Variants in KSR2 observed in about 807,000 individuals in gnomAD.
The protein encoded by KSR2 is kinase suppressor of ras 2.
In KSR2, 25 loss-of-function variants were observed where a neutral mutation model predicts 107.8. The observed-to-expected ratio is 0.23, with a 90% CI of 0.17 to 0.32. KSR2 has a LOEUF of 0.32. Among genes scored for constraint, KSR2 ranks in the 10% least tolerant of loss-of-function variants. KSR2 has a pLI of 1.00. For synonymous variants in KSR2, 480 were observed against 507.0 expected, an observed-to-expected ratio of 0.95 and a Z score of 0.71; for missense variants, 887 against 1,268.9, an observed-to-expected ratio of 0.70 and a Z score of 4.57.
At chr12:117,474,033 G>A (rs898522346) in intron 17 of KSR2, among the ~76,000 whole-genome samples, 1 of 152,164 alleles carries the variant, frequency 6.6e-6, no homozygotes, top group African/African-American at 2.4e-5. Flanking sequence ...TTCTGAGCAC[G>A]AGATTCCCAA....
At chr12:117,710,767 G>C (rs1565973915) in intron 4 of KSR2, among the ~76,000 whole-genome samples, 1 of 152,118 alleles carries the variant, frequency 6.6e-6, no homozygotes, top group African/African-American at 2.4e-5. Context: ...CTATCATGAT[G>C]GTGATATTTT....
chr12:117,709,304 G>A (rs996315044), intron 4 of KSR2, among the ~76,000 whole-genome samples: 53 of 152,058 alleles, frequency 3.5e-4, no homozygotes, highest in African/African-American at 1.2e-3. Flanking sequence ...CAGGGAACAT[G>A]ACCTGCACCC....
intron 3 of KSR2, among the ~76,000 whole-genome samples, chr12:117,763,067 A>T (rs1453917520): frequency 6.6e-6 from 1 of 151,558 alleles, no homozygotes; most frequent in Non-Finnish European, 1.5e-5. Flanking sequence ...CAGTCCCCAG[A>T]GTGTGATGTT....
chr12:117,917,760 C>T (rs183600313), intron 1 of KSR2, among the ~76,000 whole-genome samples: 1 of 152,212 alleles, frequency 6.6e-6, no homozygotes, highest in Non-Finnish European at 1.5e-5. Context: ...ACTCTGAAGC[C>T]TTACTGTACA....
Position 117,467,919 on chromosome 12 carries a change from GTTTTT to G in KSR2, c.2847-719_2847-715del. On this transcript the variant is annotated intron_variant, in intron 19 of 19. Coordinates refer to ENST00000339824, the MANE Select transcript of KSR2 (RefSeq NM_173598.6). ...CTATTCTGCTAGACCACAGTCCTGT[GTTTTT>G]TTTTTTTTTTTCCAGCCCAACTCCA... is the stretch of plus-strand genomic sequence containing the variant. 8 of 291,802 alleles carry G rather than the reference GTTTTT, an allele frequency of 2.7e-5. 1 individual carries two copies. Among genetic ancestry groups the G allele is most frequent in the Admixed American group, 4.9e-5 (1 of 20,276 alleles). 18.1% of individuals were successfully genotyped at this position (291,802 alleles called of 1,614,324 possible). A position where few individuals can be genotyped will look rare whatever the true frequency, so the allele number is the denominator to read the frequency against.
At chr12:117,805,795 A>C (rs1269582705) in intron 3 of KSR2, among the ~76,000 whole-genome samples, 5 of 152,196 alleles carry the variant, frequency 3.3e-5, no homozygotes, top group African/African-American at 1.2e-4. Flanking sequence ...CAGCCTGGCC[A>C]ACATGGCGAA....
rs117126646 is a variant in KSR2, at chr12:117,520,574, T to C, written c.2219+4278A>G. On this transcript the variant is annotated intron_variant, in intron 14 of 19. Transcript: ENST00000339824. Reference sequence around the variant, plus strand: ...GGACACTGAGTGTCCACCAAGATCATCAGCCCTTTGATTACAATGGGAAGT... The same window carrying C: ...GGACACTGAGTGTCCACCAAGATCACCAGCCCTTTGATTACAATGGGAAGT... Among the ~76,000 whole-genome samples the C allele has an allele frequency of 1.6e-4, 24 of 152,366 alleles. No homozygotes were observed. The East Asian group carries it at 3.1e-3, about 20-fold the overall frequency.
At chr12:117,810,636 T>C (rs988101595) in intron 3 of KSR2, among the ~76,000 whole-genome samples, 1 of 152,318 alleles carries the variant, frequency 6.6e-6, no homozygotes. Flanking sequence ...AAAGGTGATA[T>C]CCGACTGGCA....
intron 3 of KSR2, among the ~76,000 whole-genome samples, chr12:117,772,095 C>A (rs993186201): frequency 1.3e-5 from 2 of 149,786 alleles, no homozygotes; most frequent in African/African-American, 4.9e-5. Context: ...CAAAAACACA[C>A]ACACATACAC....
At chr12:117,877,408 T>C (rs142108075) in intron 1 of KSR2, among the ~76,000 whole-genome samples, 126 of 152,318 alleles carry the variant, frequency 8.3e-4, no homozygotes, top group African/African-American at 3.0e-3. Flanking sequence ...ACCTGTATTA[T>C]ATATTTATAA....
At chr12:117,705,299 C>T (rs1011618380) in intron 4 of KSR2, among the ~76,000 whole-genome samples, 3 of 152,216 alleles carry the variant, frequency 2.0e-5, no homozygotes, top group Admixed American at 6.5e-5. Context: ...ATCCATCTCT[C>T]AACCTGCACT....
At chr12:117,878,486 A>C (rs1893934668) in intron 1 of KSR2, among the ~76,000 whole-genome samples, 1 of 152,150 alleles carries the variant, frequency 6.6e-6, no homozygotes, top group Non-Finnish European at 1.5e-5. Context: ...TTAAAAATAA[A>C]ATAAAAATTG....
intron 4 of KSR2, among the ~76,000 whole-genome samples, chr12:117,733,555 A>G (rs1427705209): frequency 6.6e-6 from 1 of 152,146 alleles, no homozygotes; most frequent in Non-Finnish European, 1.5e-5. Flanking sequence ...GCTCATAACA[A>G]CAGAGCTGAA....
chr12:117,802,021 A>G (rs1890849447), intron 3 of KSR2, among the ~76,000 whole-genome samples: 1 of 152,214 alleles, frequency 6.6e-6, no homozygotes, highest in Non-Finnish European at 1.5e-5. Context: ...TATGACAATA[A>G]GATTAGGGGC....
At chr12:117,553,144 A>G (rs1877428895) in intron 9 of KSR2, among the ~76,000 whole-genome samples, 1 of 152,258 alleles carries the variant, frequency 6.6e-6, no homozygotes, top group Non-Finnish European at 1.5e-5. Context: ...AAGCAAAGGA[A>G]GCCCTGGCTG....
intron 1 of KSR2, among the ~76,000 whole-genome samples, chr12:117,879,836 C>T (rs941380594): frequency 6.6e-6 from 1 of 152,206 alleles, no homozygotes; most frequent in African/African-American, 2.4e-5. Context: ...TCTCCTTATA[C>T]CTGATTGCTG....
Position 117,455,030 on chromosome 12 carries a change from CAGACAGAGAGAGAGAGAG to C in KSR2, c.*12151_*12168del, listed in dbSNP as rs1262306213. 2.5e-5 allele frequency: 3 copies of C among 120,128 alleles called. No individual in the cohort carries two copies. The highest frequency in any genetic ancestry group is 8.2e-5 in the Admixed American group (1 of 12,256). The allele number at this position is 120,128 out of a possible 1,614,324, so 7.4% of individuals were successfully genotyped here. On this transcript the variant is annotated 3_prime_UTR_variant, in exon 20 of 20. Transcript: ENST00000339824. ...AGACAGAGACAGACACAGAGACAGA[CAGACAGAGAGAGAGAGAG>C]AGAGAGAGAGAGAGAGAGAGAGAGG...
intron 1 of KSR2, among the ~76,000 whole-genome samples, chr12:117,960,379 A>AAT (rs1437425721): frequency 8.5e-5 from 13 of 152,294 alleles, no homozygotes; most frequent in African/African-American, 2.4e-4. Flanking sequence ...TGCTCTGGCA[A>AAT]AGAGGACATT....
chr12:117,843,952 C>G (rs999669572), intron 3 of KSR2, among the ~76,000 whole-genome samples: 28 of 120,256 alleles, frequency 2.3e-4, no homozygotes, highest in African/African-American at 8.5e-4. Context: ...TTTTTTTGAG[C>G]TTGTACCTCC....
Sources: gnomAD v4.1 joint callset for allele counts (sites outside exome capture counted in the v4.1 genomes callset) on GRCh38, gnomAD v4.1.1 for gene constraint, MANE v1.5 for transcripts, NCBI Gene and HGNC (gene_info 2026-07-23, HGNC 2026-07-21) for gene names.